ADGRV1: variants seen among roughly 807,000 people sequenced by gnomAD.
ADGRV1 encodes the protein adhesion G protein-coupled receptor V1, also known as G-protein coupled receptor 98.
ADGRV1 carries 359 observed loss-of-function variants against 596.2 expected under a neutral mutation model. The observed-to-expected ratio is 0.60, with a 90% CI of 0.55 to 0.66. The LOEUF (loss-of-function observed/expected upper bound fraction) is 0.66. ADGRV1 is among the 30% of genes least tolerant of loss of function. The pLI, the probability that ADGRV1 is intolerant of heterozygous loss-of-function variation, is 0.00. For missense variants in ADGRV1, 7,274 were observed against 7,575.6 expected, an observed-to-expected ratio of 0.96 and a Z score of 1.48; for synonymous variants, 2,681 against 2,679.2, an observed-to-expected ratio of 1.00 and a Z score of -0.02.
chr5:90,576,153 G>A (rs547993514), intron 1 of ADGRV1, among the ~76,000 whole-genome samples: 3 of 152,224 alleles, frequency 2.0e-5, no homozygotes, highest in Admixed American at 2.0e-4. Context: ...TAGGGTACAT[G>A]TGCACAATGT....
At position 90,642,872 on chromosome 5, in the gene ADGRV1, A is replaced by C; in HGVS notation, c.2384A>C (p.Glu795Ala). The change falls in exon 13 of 90, where the codon GAG becomes GCG. Residue 795 changes from glutamate to alanine, a missense_variant. Glu to Ala is a moderately radical substitution (Grantham distance 107). This residue lies in a region of ADGRV1 where 1,715 missense variants were observed against 1,708.8 expected (regional missense o/e 1.00). Transcript: ENST00000405460. ...PYVIKEGESV[E>A]LHIIRSRGSL... ...TTTTTAAAGGAAGGAGAATCTGTAG[A>C]GCTCCACATCATCCGATCAAGGGGG... 1 of 1,603,470 alleles carries C rather than the reference A, an allele frequency of 6.2e-7. No homozygotes were observed. Among genetic ancestry groups the C allele is most frequent in the Non-Finnish European group, 8.5e-7 (1 of 1,175,604 alleles).
chr5:90,832,003 A>G (rs546421682), intron 77 of ADGRV1, among the ~76,000 whole-genome samples: 1 of 152,152 alleles, frequency 6.6e-6, no homozygotes, highest in Non-Finnish European at 1.5e-5. Context: ...GTTGGTTCCA[A>G]ATCTTGACTG....
At chr5:90,806,941 C>T (rs112467359) in intron 72 of ADGRV1, among the ~76,000 whole-genome samples, 2,931 of 152,128 alleles carry the variant, frequency 0.019, 101 homozygotes, top group African/African-American at 0.068. Flanking sequence ...CAACCTCCAC[C>T]TCCCGGGCTC....
At position 90,728,946 on chromosome 5, in the gene ADGRV1, AGTATTT is replaced by A; in HGVS notation, c.10426+17_10426+22del. On this transcript the variant is annotated intron_variant, in intron 49 of 89. Transcript: ENST00000405460. ...AATGTCTTTCTAGGTGAGAAGATAA[AGTATTT>A]GTAGTGTATATATAATTATTGAAAT... 6.5e-7 allele frequency: 1 copy of A among 1,537,846 alleles called. No homozygotes were observed. The highest frequency in any genetic ancestry group is 1.1e-5 in the South Asian group (1 of 87,440).
intron 77 of ADGRV1, 73 bp from the exon 78 acceptor site, chr5:90,840,505 A>C (rs1186981678): frequency 7.7e-7 from 1 of 1,297,100 alleles, no homozygotes; most frequent in Non-Finnish European, 1.0e-6. Context: ...AATTTGTTTA[A>C]GAAACAAGAA....
chr5:90,697,092 G>A lies in ADGRV1; in HGVS notation c.8101G>A (p.Val2701Met). The change falls in exon 34 of 90, where the codon GTG (valine) becomes ATG (methionine). Residue 2701 changes from valine (V) to methionine (M), a missense_variant. Physicochemically the swap from Val to Met is conservative, Grantham distance 21. This residue lies in a region of ADGRV1 where 3,643 missense variants were observed against 3,809.2 expected (regional missense o/e 0.96). Transcript: ENST00000405460. ...VRVNILANDN[V>M]AGIVSFQTAS... ...AGTGAACATTTTGGCCAATGACAAT[G>A]TGGCAGGAATTGTTAGCTTTCAGAC... 6.2e-7 allele frequency: 1 copy of A among 1,613,396 alleles called. No individual in the cohort carries two copies. Among genetic ancestry groups the A allele is most frequent in the Non-Finnish European group, 8.5e-7 (1 of 1,179,456 alleles).
At chr5:90,769,707 T>C (rs1640879932) in intron 59 of ADGRV1, among the ~76,000 whole-genome samples, 1 of 152,200 alleles carries the variant, frequency 6.6e-6, no homozygotes, top group African/African-American at 2.4e-5. Context: ...TTTTAATCTC[T>C]TCACTCAAGC....
At chr5:90,871,048 G>A in intron 83 of ADGRV1, among the ~76,000 whole-genome samples, 1 of 151,966 alleles carries the variant, frequency 6.6e-6, no homozygotes, top group East Asian at 1.9e-4. Flanking sequence ...TTTCTGTGAT[G>A]GCCTTATATT....
At chr5:90,647,835 T>C in intron 17 of ADGRV1, 71 bp downstream of exon 17, 1 of 1,361,246 alleles carries the variant, frequency 7.3e-7, no homozygotes, top group East Asian at 2.3e-5. Context: ...AGCACTGCAG[T>C]CCAATAATGA....
intron 1 of ADGRV1, among the ~76,000 whole-genome samples, chr5:90,605,738 T>C (rs1343964203): frequency 6.6e-6 from 1 of 152,172 alleles, no homozygotes; most frequent in African/African-American, 2.4e-5. Flanking sequence ...TAATAGAGTG[T>C]TAATACTGGT....
intron 83 of ADGRV1, among the ~76,000 whole-genome samples, chr5:90,864,246 A>T (rs542940924): frequency 6.6e-6 from 1 of 152,304 alleles, no homozygotes; most frequent in Admixed American, 6.5e-5. Context: ...CTTTTAAAGC[A>T]TCTGGACACT....
At chr5:91,087,330 G>A (rs902895190) in intron 86 of ADGRV1, among the ~76,000 whole-genome samples, 3 of 152,008 alleles carry the variant, frequency 2.0e-5, no homozygotes, top group East Asian at 1.9e-4. Context: ...TCACTCTGTC[G>A]CCCAGGCTGG....
chr5:91,037,897 G>A (rs1785037135), intron 85 of ADGRV1, among the ~76,000 whole-genome samples: 1 of 152,038 alleles, frequency 6.6e-6, no homozygotes, highest in South Asian at 2.1e-4. Flanking sequence ...CATGTGATAG[G>A]CCACAGTCAA....
chr5:91,052,712 G>A (rs995659122), intron 85 of ADGRV1, among the ~76,000 whole-genome samples: 10 of 152,130 alleles, frequency 6.6e-5, no homozygotes, highest in Non-Finnish European at 1.3e-4. Context: ...GGGATTACAA[G>A]TGTGAGCCAC....
intron 83 of ADGRV1, among the ~76,000 whole-genome samples, chr5:90,956,118 C>T (rs1321676234): frequency 6.6e-6 from 1 of 151,998 alleles, no homozygotes; most frequent in East Asian, 1.9e-4. Flanking sequence ...TATCTAAGTC[C>T]AAGGAATTCC....
intron 85 of ADGRV1, among the ~76,000 whole-genome samples, chr5:91,062,305 A>T (rs556392147): frequency 6.6e-6 from 1 of 152,346 alleles, no homozygotes; most frequent in Admixed American, 6.5e-5. Context: ...CTCAAGGGCA[A>T]AAGACAGATT....
intron 83 of ADGRV1, among the ~76,000 whole-genome samples, chr5:90,886,782 CAG>C (rs1023725838): frequency 2.0e-5 from 3 of 152,176 alleles, no homozygotes; most frequent in African/African-American, 7.2e-5. Flanking sequence ...CCATCATTCA[CAG>C]AGTTTCTCAA....
intron 85 of ADGRV1, among the ~76,000 whole-genome samples, chr5:91,070,330 C>A (rs1035019447): frequency 6.6e-6 from 1 of 152,140 alleles, no homozygotes; most frequent in Admixed American, 6.5e-5. Context: ...TCCCTGGTTA[C>A]TTATATTTTG....
At chr5:90,961,608 G>A (rs145333244) in intron 83 of ADGRV1, among the ~76,000 whole-genome samples, 1 of 151,604 alleles carries the variant, frequency 6.6e-6, no homozygotes, top group East Asian at 1.9e-4. Flanking sequence ...GGAGCACTGA[G>A]AATTGAGGTT....
Sources: gnomAD v4.1 joint callset for allele counts (sites outside exome capture counted in the v4.1 genomes callset) on GRCh38, gnomAD v4.1.1 for gene constraint, gnomAD v4.1.1 regional missense constraint, MANE v1.5 for transcripts, NCBI Gene and HGNC (gene_info 2026-07-23, HGNC 2026-07-21) for gene names.